The following MAP2K4 variants were observed in gnomAD, a reference collection of about 807,000 sequenced individuals.
MAP2K4 encodes the protein dual specificity mitogen-activated protein kinase kinase 4.
Under a neutral mutation model 48.5 loss-of-function variants are expected in MAP2K4, and 4 were observed. That is an observed-to-expected ratio of 0.08 (90% confidence interval 0.04 to 0.19). The LOEUF (loss-of-function observed/expected upper bound fraction) is 0.19. Among genes scored for constraint, MAP2K4 ranks in the 10% least tolerant of loss-of-function variants. MAP2K4 has a pLI of 1.00. For missense variants in MAP2K4, 258 were observed against 493.3 expected (o/e 0.52, Z 4.52); for synonymous variants, 166 against 173.1 (o/e 0.96, Z 0.32).
intron 1 of MAP2K4, among the ~76,000 whole-genome samples, chr17:12,035,015 C>T (rs1969549993): frequency 6.6e-6 from 1 of 152,130 alleles, no homozygotes; most frequent in Admixed American, 6.5e-5. Flanking sequence ...CCTAAATTGA[C>T]AGTATTTATT....
At chr17:12,113,198 C>G (rs2151577574) in intron 6 of MAP2K4, 35 bp from the exon 7 acceptor site, 1 of 1,592,056 alleles carries the variant, frequency 6.3e-7, no homozygotes, top group African/African-American at 1.3e-5. Context: ...TAGGAAGAAG[C>G]TAATTGTATA....
chr17:12,070,373 G>A (rs1035561724), intron 2 of MAP2K4, among the ~76,000 whole-genome samples: 4 of 152,152 alleles, frequency 2.6e-5, no homozygotes, highest in Non-Finnish European at 5.9e-5. Context: ...TGCCATCTTA[G>A]CGTACTTACC....
intron 4 of MAP2K4, among the ~76,000 whole-genome samples, chr17:12,095,895 T>TG (rs1971724915): frequency 4.1e-5 from 6 of 147,396 alleles, no homozygotes; most frequent in East Asian, 2.0e-4. Flanking sequence ...ACACGTGTGT[T>TG]TGTGTGTGTG....
chr17:12,139,562 T>C (rs1434963117), intron 9 of MAP2K4, among the ~76,000 whole-genome samples: 1 of 152,214 alleles, frequency 6.6e-6, no homozygotes, highest in Admixed American at 6.5e-5. Context: ...TAGTATTCTG[T>C]GTAGCTATGC....
At chr17:12,032,439 A>T in intron 1 of MAP2K4, 1 of 410,486 alleles carries the variant, frequency 2.4e-6, no homozygotes, top group Non-Finnish European at 4.3e-6. Context: ...TTCTTCTTCC[A>T]AATATTAAAA....
At chr17:12,041,843 C>T (rs565688072) in intron 1 of MAP2K4, among the ~76,000 whole-genome samples, 21 of 152,104 alleles carry the variant, frequency 1.4e-4, no homozygotes, top group Non-Finnish European at 2.6e-4. Context: ...ACTGAGTTGT[C>T]GGACTCATTA....
chr17:12,068,699 G>A (rs1970692575), intron 2 of MAP2K4, among the ~76,000 whole-genome samples: 1 of 151,706 alleles, frequency 6.6e-6, no homozygotes. Context: ...TAATATTTAA[G>A]TTTGAGGGAC....
chr17:12,106,916 T>A (rs1191968989), intron 4 of MAP2K4, among the ~76,000 whole-genome samples: 4 of 152,148 alleles, frequency 2.6e-5, no homozygotes, highest in Non-Finnish European at 5.9e-5. Context: ...TGTGAGATAG[T>A]TCCTCGGTTT....
At position 12,054,908 on chromosome 17, in the gene MAP2K4, G is replaced by C; in HGVS notation, c.135G>C (p.Lys45Asn). Residue 45 changes from lysine to asparagine, a missense_variant, in exon 2 of 11, where the codon AAG (lysine) becomes AAC (asparagine). By Grantham distance (94) the Lys-to-Asn change is moderately conservative. Transcript: ENST00000353533. ...TCTCAGGTAAACGCAAAGCACTGAA[G>C]TTGAATTTTGCAAATCCACCTTTCA... Reference protein sequence around the residue: ...SSMQGKRKALKLNFANPPFKS... With the variant: ...SSMQGKRKALNLNFANPPFKS... The C allele has an allele frequency of 6.2e-7, 1 of 1,610,674 alleles. No homozygotes were observed. Among genetic ancestry groups the C allele is most frequent in the Non-Finnish European group, 8.5e-7 (1 of 1,177,356 alleles).
intron 1 of MAP2K4, among the ~76,000 whole-genome samples, chr17:12,022,019 T>C (rs79602383): frequency 0.16 from 24,600 of 152,204 alleles, 2,616 homozygotes; most frequent in Non-Finnish European, 0.22. Context: ...CAGAACTCTC[T>C]TGACAACTTT....
chr17:12,036,647 A>G (rs988938781), intron 1 of MAP2K4: 1 of 151,920 alleles, frequency 6.6e-6, no homozygotes, highest in Non-Finnish European at 1.5e-5. Flanking sequence ...TTTTAGAAAC[A>G]CAGTTTTTAA....
chr17:12,082,457 T>C (rs1352235981), intron 3 of MAP2K4, among the ~76,000 whole-genome samples: 7 of 152,220 alleles, frequency 4.6e-5, no homozygotes, highest in Admixed American at 4.6e-4. Context: ...GATTTGCATA[T>C]AGTCCAAGCT....
intron 6 of MAP2K4, among the ~76,000 whole-genome samples, chr17:12,112,505 G>C (rs955014697): frequency 6.6e-6 from 1 of 151,136 alleles, no homozygotes; most frequent in Admixed American, 6.6e-5. Context: ...GTTAGGAATG[G>C]ATGTTTGATA....
intron 3 of MAP2K4, among the ~76,000 whole-genome samples, chr17:12,089,114 G>A (rs549481364): frequency 3.2e-4 from 48 of 151,934 alleles, no homozygotes; most frequent in Middle Eastern, 3.4e-3. Context: ...GGGTTTCACC[G>A]TGTTAGCCAG....
intron 1 of MAP2K4, among the ~76,000 whole-genome samples, chr17:12,037,900 C>G (rs1488563119): frequency 1.3e-5 from 2 of 152,060 alleles, no homozygotes; most frequent in African/African-American, 4.8e-5. Context: ...GCTTAGTTGT[C>G]TTTGACCTTG....
intron 1 of MAP2K4, among the ~76,000 whole-genome samples, chr17:12,030,620 ATATAT>A (rs1380138375): frequency 2.4e-4 from 36 of 152,264 alleles, no homozygotes; most frequent in East Asian, 1.9e-4. Context: ...AAAATTTTTA[ATATAT>A]TATACACTTA....
Position 12,110,443 on chromosome 17 carries a change from A to G in MAP2K4, c.685+17A>G. On this transcript the variant is annotated intron_variant, in intron 6 of 10. Coordinates refer to ENST00000353533, the MANE Select transcript of MAP2K4 (RefSeq NM_003010.4). The stretch of plus-strand genomic sequence containing the variant: ...TTCACAGAGGTGGGTATGGATTGGT[A>G]TTTTTTGTAATAGAAATTAACTTTT... 1.3e-6 allele frequency: 2 copies of G among 1,565,382 alleles called. No individual in the cohort carries two copies. The highest frequency in any genetic ancestry group is 2.3e-5 in the East Asian group (1 of 44,440).
intron 2 of MAP2K4, among the ~76,000 whole-genome samples, chr17:12,071,074 G>A (rs904268059): frequency 2.6e-5 from 4 of 152,142 alleles, no homozygotes; most frequent in Non-Finnish European, 4.4e-5. Flanking sequence ...TCTTCCCTGT[G>A]TCTGTCTTGT....
intron 2 of MAP2K4, among the ~76,000 whole-genome samples, chr17:12,071,449 CAGTAG>C (rs1455428739): frequency 6.6e-6 from 1 of 152,020 alleles, no homozygotes; most frequent in African/African-American, 2.4e-5. Context: ...CAAACATAAG[CAGTAG>C]AGTAAAGGGA....
Sources: gnomAD v4.1 joint callset for allele counts (sites outside exome capture counted in the v4.1 genomes callset) on GRCh38, gnomAD v4.1.1 for gene constraint, MANE v1.5 for transcripts, NCBI Gene and HGNC (gene_info 2026-07-23, HGNC 2026-07-21) for gene names.